The following RHCE variants were observed in gnomAD, a reference collection of about 807,000 sequenced individuals.
RHCE encodes blood group Rh(CE) polypeptide.
RHCE carries 22 observed loss-of-function variants against 43.8 expected under a neutral mutation model. The ratio of observed to expected loss-of-function variants is 0.50; its 90% CI spans 0.36 to 0.72. The LOEUF (loss-of-function observed/expected upper bound fraction) is 0.72. Ranked by LOEUF, RHCE falls within the 30% of genes least tolerant of loss-of-function variation. RHCE has a pLI of 0.00. For synonymous variants in RHCE, 156 were observed against 210.7 expected (o/e 0.74, Z 2.25); for missense variants, 385 against 525.4 (o/e 0.73, Z 2.61).
In RHCE at chr1:25,402,694, C is replaced by T; in HGVS notation, c.388G>A (p.Val130Ile). ...TGCGCCAAGTTGACCTTCCCCAAGA[C>T]AGCACCCGCTGAGATCAGCACCGAC... Reference protein sequence around the residue: ...AMSVLISAGAVLGKVNLAQLV... With the variant: ...AMSVLISAGAILGKVNLAQLV... The change falls in exon 3 of 10, where the codon GTC (valine) becomes ATC (isoleucine). Residue 130 changes from valine (V) to isoleucine (I), a missense_variant. Around this residue, in one of 6 missense-constraint regions of RHCE, gnomAD observed 110 missense variants for 192.1 expected, o/e 0.57. Coordinates refer to ENST00000294413, the MANE Select transcript of RHCE (RefSeq NM_020485.8). 1 of 1,614,150 alleles carries T rather than the reference C, an allele frequency of 6.2e-7. No individual in the cohort carries two copies. The highest frequency in any genetic ancestry group is 8.5e-7 in the Non-Finnish European group (1 of 1,180,036).
chr1:25,412,708 C>CT (rs1209839554), intron 1 of RHCE, among the ~76,000 whole-genome samples: 39 of 103,138 alleles, frequency 3.8e-4, no homozygotes, highest in African/African-American at 6.0e-4. Flanking sequence ...GAGGGAGACC[C>CT]TTTTTTTAAA....
intron 9 of RHCE, among the ~76,000 whole-genome samples, 197 bp downstream of exon 9, chr1:25,370,270 C>G (rs1487499068): frequency 6.6e-6 from 1 of 151,508 alleles, no homozygotes; most frequent in Non-Finnish European, 1.5e-5. Flanking sequence ...AAATGGTGAC[C>G]TTTACCACCT....
At chr1:25,403,587 G>T (rs950807166) in intron 2 of RHCE, among the ~76,000 whole-genome samples, 1 of 152,066 alleles carries the variant, frequency 6.6e-6, no homozygotes, top group African/African-American at 2.4e-5. Context: ...CATACACCAT[G>T]AGCCTGTCAA....
chr1:25,371,481 C>T lies in RHCE; in HGVS notation c.1154-941G>A, dbSNP rs563869478. On this transcript the variant is annotated intron_variant, in intron 8 of 9. Coordinates refer to ENST00000294413, the MANE Select transcript of RHCE (RefSeq NM_020485.8). ...AAACTCCCAGGCACAAGCAACCCCC[C>T]CACCTCAGCCTCCCAAGTAGCTGGG... Among the ~76,000 whole-genome samples the T allele has an allele frequency of 2.6e-5, 4 of 151,656 alleles. No individual in the cohort carries two copies. In the East Asian group the frequency reaches 7.7e-4, roughly 29 times the overall value.
At chr1:25,428,455 T>C (rs1244277646) in intron 2 of RHCE, among the ~76,000 whole-genome samples, 1 of 152,238 alleles carries the variant, frequency 6.6e-6, no homozygotes, top group African/African-American at 2.4e-5. Context: ...GTTCATATCC[T>C]TTCTCAATGA....
intron 7 of RHCE, among the ~76,000 whole-genome samples, chr1:25,380,965 G>A (rs1429525103): frequency 2.0e-5 from 3 of 146,728 alleles, no homozygotes; most frequent in South Asian, 2.1e-4. Context: ...GCAGTGGCGC[G>A]ATCTCGGCTC....
chr1:25,413,307 C>T (rs1208963826), intron 1 of RHCE, among the ~76,000 whole-genome samples: 2 of 152,320 alleles, frequency 1.3e-5, no homozygotes, highest in African/African-American at 4.8e-5. Flanking sequence ...ATCCTCCCAC[C>T]TCTCTTGGGC....
Position 25,386,842 on chromosome 1 carries a change from AACACACAC to A in RHCE, c.940-1006_940-999del, listed in dbSNP as rs3079633. Among the ~76,000 whole-genome samples, 948 of 138,758 alleles carry A rather than the reference AACACACAC, an allele frequency of 6.8e-3. 10 individuals carry two copies. Among genetic ancestry groups the A allele is most frequent in the African/African-American group, 0.018 (672 of 36,352 alleles). The allele number at this position is 138,758 out of a possible 152,430, so 91.0% of individuals were successfully genotyped here. ...GTCTCAACAACAACAACAACAACAA[AACACACAC>A]ACACACACACACACACACACACACA... On this transcript the variant is annotated intron_variant, in intron 6 of 9. Transcript: ENST00000294413.
intron 3 of RHCE, among the ~76,000 whole-genome samples, chr1:25,400,344 T>G (rs1646694728): frequency 6.6e-6 from 1 of 152,144 alleles, no homozygotes; most frequent in Non-Finnish European, 1.5e-5. Context: ...TTCCCAGCCC[T>G]CATCCGACTT....
chr1:25,376,323 C>T (rs1225565856), intron 7 of RHCE, among the ~76,000 whole-genome samples: 1 of 152,206 alleles, frequency 6.6e-6, no homozygotes, highest in Non-Finnish European at 1.5e-5. Flanking sequence ...CAGCATGCAC[C>T]TGGGCACTGC....
Position 25,409,269 on chromosome 1 carries a change from G to C in RHCE, c.149-400C>G, listed in dbSNP as rs1413086457. ...ATTGCATATGAGGGCCAACCCCCTG[G>C]CTGGGCACATGAGAAAATAAAGCCA... On this transcript the variant is annotated intron_variant, in intron 1 of 9. Coordinates refer to ENST00000294413, the MANE Select transcript of RHCE (RefSeq NM_020485.8). Among the ~76,000 whole-genome samples, 4 of 124,044 alleles carry C rather than the reference G, an allele frequency of 3.2e-5. 1 individual carries two copies. The highest frequency in any genetic ancestry group is 5.0e-5 in the African/African-American group (2 of 39,700). The allele number at this position is 124,044 out of a possible 152,430, so 81.4% of individuals were successfully genotyped here.
chr1:25,429,559 A>G (rs564646078), intron 1 of RHCE, among the ~76,000 whole-genome samples: 6 of 152,348 alleles, frequency 3.9e-5, no homozygotes, highest in Admixed American at 2.6e-4. Context: ...TATTTTCAGA[A>G]ATATTTATAA....
chr1:25,389,096 C>A lies in RHCE; in HGVS notation c.819G>T (p.Ala273=). The A allele has an allele frequency of 2.5e-6, 4 of 1,614,060 alleles. No homozygotes were observed. Among genetic ancestry groups the A allele is most frequent in the Non-Finnish European group, 3.4e-6 (4 of 1,179,946 alleles). ...RKISMTYVHS[A]VLAGGVAVGT... is the part of the protein sequence containing the mutation. ...CCACAGCCACGCCTCCTGCCAACAC[C>A]GCACTGTGCACATAAGTCTGCAAAG... Residue 273 remains alanine, a synonymous_variant, in exon 6 of 10, where the codon GCG becomes GCT. Coordinates refer to ENST00000294413, the MANE Select transcript of RHCE (RefSeq NM_020485.8).
chr1:25,388,049 C>T (rs574682433), intron 6 of RHCE, among the ~76,000 whole-genome samples: 1 of 151,928 alleles, frequency 6.6e-6, no homozygotes, highest in East Asian at 1.9e-4. Flanking sequence ...GAACTCCTGA[C>T]CTCAGGCCAT....
chr1:25,430,116 G>A (rs2042840340), exon 1 of RHCE: 1 of 151,872 alleles, frequency 6.6e-6, no homozygotes, highest in Non-Finnish European at 1.5e-5. Flanking sequence ...TGCGGACTCG[G>A]CGCCCGCGGG....
chr1:25,423,418 T>A (rs912904363), upstream of RHCE, among the ~76,000 whole-genome samples: 10 of 152,228 alleles, frequency 6.6e-5, no homozygotes, highest in African/African-American at 2.2e-4. Flanking sequence ...CTGACAGGCA[T>A]GTTTACCAGC....
intron 9 of RHCE, among the ~76,000 whole-genome samples, chr1:25,369,553 C>T (rs1243059644): frequency 6.6e-6 from 1 of 151,322 alleles, no homozygotes; most frequent in African/African-American, 2.5e-5. Context: ...AGCCCAGTCA[C>T]AACAACAAAT....
intron 3 of RHCE, among the ~76,000 whole-genome samples, chr1:25,401,596 C>G (rs1646744879): frequency 6.6e-6 from 1 of 152,236 alleles, no homozygotes; most frequent in Admixed American, 6.5e-5. Context: ...CAAACTTAGA[C>G]TTTCGACAGG....
chr1:25,416,003 G>A (rs568056477), intron 1 of RHCE, among the ~76,000 whole-genome samples: 1,558 of 151,530 alleles, frequency 0.01, 30 homozygotes, highest in African/African-American at 0.036. Context: ...AGCAGGTCTG[G>A]GGACCACACT....
Sources: allele counts gnomAD v4.1 joint callset (sites outside exome capture counted in the v4.1 genomes callset), GRCh38; gene constraint gnomAD v4.1.1; regional missense constraint gnomAD v4.1.1; transcripts MANE v1.5; gene names NCBI Gene and HGNC (gene_info 2026-07-23, HGNC 2026-07-21).